Variants in GRID2 observed in about 807,000 individuals in gnomAD.
The protein encoded by GRID2 is glutamate receptor ionotropic, delta-2.
In GRID2, 33 loss-of-function variants were observed where a neutral mutation model predicts 114.8. That is an observed-to-expected ratio of 0.29 (90% CI 0.22 to 0.38). The LOEUF (loss-of-function observed/expected upper bound fraction) is 0.38, where lower values mean the gene tolerates loss of function less well. Ranked by LOEUF, GRID2 falls within the 10% of genes least tolerant of loss-of-function variation. The pLI, the probability that GRID2 is intolerant of heterozygous loss-of-function variation, is 1.00. For missense variants in GRID2, 1,184 were observed against 1,257.7 expected, an observed-to-expected ratio of 0.94 and a Z score of 0.89; for synonymous variants, 505 against 449.9, an observed-to-expected ratio of 1.12 and a Z score of -1.55.
At chr4:93,494,463 G>C (rs570652922) in intron 12 of GRID2, among the ~76,000 whole-genome samples, 1 of 151,718 alleles carries the variant, frequency 6.6e-6, no homozygotes, top group African/African-American at 2.4e-5. Context: ...ATTTATTTTG[G>C]GGAAGCTGAA....
At chr4:92,741,229 T>C (rs998294586) in intron 2 of GRID2, among the ~76,000 whole-genome samples, 12 of 152,188 alleles carry the variant, frequency 7.9e-5, no homozygotes, top group African/African-American at 2.9e-4. Flanking sequence ...TGATTATTCC[T>C]ATCTCATAGA....
At chr4:92,479,378 A>T (rs1722470611) in intron 1 of GRID2, among the ~76,000 whole-genome samples, 1 of 152,280 alleles carries the variant, frequency 6.6e-6, no homozygotes, top group Non-Finnish European at 1.5e-5. Flanking sequence ...ACCTATTACA[A>T]ACTGTGGTTA....
chr4:93,289,206 G>A (rs1000340259), intron 8 of GRID2, among the ~76,000 whole-genome samples: 5 of 152,042 alleles, frequency 3.3e-5, no homozygotes, highest in African/African-American at 1.2e-4. Context: ...ACTAGTAGTC[G>A]TTTTGCTTGA....
Position 92,899,190 on chromosome 4 carries a change from A to G in GRID2, c.245-185805A>G, listed in dbSNP as rs543622907. On this transcript the variant is annotated intron_variant, in intron 2 of 15. Transcript: ENST00000282020. ...AATAGGAGTAATTTATACTTTATAT[A>G]ATCTATAAACATTATTCTTTTATAA... is the stretch of plus-strand genomic sequence containing the variant. 2.0e-5 allele frequency among the ~76,000 whole-genome samples: 3 copies of G among 152,272 alleles called. No individual in the cohort carries two copies. In the East Asian group the frequency reaches 5.8e-4, roughly 29 times the overall value.
chr4:93,220,457 C>A (rs1407921085), intron 6 of GRID2, among the ~76,000 whole-genome samples: 1 of 151,956 alleles, frequency 6.6e-6, no homozygotes, highest in Non-Finnish European at 1.5e-5. Flanking sequence ...AAATAAAGCT[C>A]AAAAATATTT....
Position 92,471,145 on chromosome 4 carries a change from A to G in GRID2, c.89-118986A>G, listed in dbSNP as rs565378545. Among the ~76,000 whole-genome samples the G allele has an allele frequency of 5.3e-5, 8 of 152,176 alleles. No homozygotes were observed. The East Asian group carries it at 1.5e-3, about 29-fold the overall frequency. ...AGCATCATGTAAGAGCGAATGGTAC[A>G]GTAAAAACCCCAAGGAAATGGCAAC... On this transcript the variant is annotated intron_variant, in intron 1 of 15. Coordinates refer to ENST00000282020, the MANE Select transcript of GRID2 (RefSeq NM_001510.4).
chr4:93,089,492 G>T (rs1423990033), intron 3 of GRID2, among the ~76,000 whole-genome samples: 1 of 152,090 alleles, frequency 6.6e-6, no homozygotes, highest in Non-Finnish European at 1.5e-5. Context: ...TCGGATTAAT[G>T]CTTCTGGCCC....
chr4:92,933,164 CAT>C (rs904495377), intron 2 of GRID2, among the ~76,000 whole-genome samples: 212 of 149,728 alleles, frequency 1.4e-3, no homozygotes, highest in African/African-American at 2.4e-3. Context: ...TATATATACA[CAT>C]ATATATATGT....
chr4:92,853,036 G>A (rs901444163), intron 2 of GRID2, among the ~76,000 whole-genome samples: 2 of 151,940 alleles, frequency 1.3e-5, no homozygotes, highest in South Asian at 4.1e-4. Context: ...GCAAGGATAT[G>A]AACTTCTTAG....
chr4:92,576,128 C>T (rs1455363902), intron 1 of GRID2, among the ~76,000 whole-genome samples: 1 of 152,126 alleles, frequency 6.6e-6, no homozygotes, highest in Non-Finnish European at 1.5e-5. Context: ...GAAGTCAGCA[C>T]TTTATCTATA....
intron 1 of GRID2, among the ~76,000 whole-genome samples, chr4:92,434,643 T>C (rs918095620): frequency 6.6e-6 from 1 of 152,164 alleles, no homozygotes; most frequent in Non-Finnish European, 1.5e-5. Context: ...TAATTTTATA[T>C]TATTTAATTT....
intron 2 of GRID2, among the ~76,000 whole-genome samples, chr4:93,070,079 A>G (rs182411070): frequency 1.2e-4 from 19 of 152,216 alleles, no homozygotes; most frequent in Admixed American, 1.0e-3. Flanking sequence ...TTTAAGTTGC[A>G]CACAAAAAGT....
chr4:93,216,257 TATGTGTGTGTGTGC>T (rs1268026545), intron 5 of GRID2, among the ~76,000 whole-genome samples: 2 of 151,874 alleles, frequency 1.3e-5, no homozygotes, highest in Non-Finnish European at 1.5e-5. Flanking sequence ...CATTGCTAAT[TATGTGTGTGTGTGC>T]ATGTGTGTGT....
At chr4:93,623,698 A>G (rs1449819708) in intron 13 of GRID2, among the ~76,000 whole-genome samples, 1 of 152,206 alleles carries the variant, frequency 6.6e-6, no homozygotes, top group East Asian at 1.9e-4. Context: ...TAAAAACAGT[A>G]AACTTTTGTT....
Position 92,411,655 on chromosome 4 carries a change from G to GTGTGTGTATGTATATATATATA in GRID2, c.88+106912_88+106913insGTGTGTATGTATATATATATAT. Among the ~76,000 whole-genome samples, 20 of 84,694 alleles carry GTGTGTGTATGTATATATATATA rather than the reference G, an allele frequency of 2.4e-4. 1 individual carries two copies. Among genetic ancestry groups the GTGTGTGTATGTATATATATATA allele is most frequent in the African/African-American group, 1.2e-3 (20 of 17,098 alleles). 55.6% of individuals were successfully genotyped at this position (84,694 alleles called of 152,430 possible). ...TGTGTGTGTGTGTGTGTGTGTGTGTGTATATATATATATATATATATATGA... is the reference window on the plus strand; with the variant it reads ...TGTGTGTGTGTGTGTGTGTGTGTGTGTGTGTGTATGTATATATATATATATATATATATATATATATATATGA... On this transcript the variant is annotated intron_variant, in intron 1 of 15. Coordinates refer to ENST00000282020, the MANE Select transcript of GRID2 (RefSeq NM_001510.4).
chr4:93,220,238 T>TTATA (rs201847282), intron 6 of GRID2, among the ~76,000 whole-genome samples: 18 of 151,246 alleles, frequency 1.2e-4, no homozygotes, highest in African/African-American at 2.9e-4. Flanking sequence ...AAGCCTTTAT[T>TTATA]TATATATATA....
chr4:92,630,322 GAGTT>G (rs1402597891), intron 2 of GRID2, among the ~76,000 whole-genome samples: 1 of 152,072 alleles, frequency 6.6e-6, no homozygotes, highest in African/African-American at 2.4e-5. Context: ...CACATATAAT[GAGTT>G]AGAGTACTTA....
intron 3 of GRID2, among the ~76,000 whole-genome samples, chr4:93,098,270 A>G (rs1158855673): frequency 6.6e-6 from 1 of 151,916 alleles, no homozygotes; most frequent in Non-Finnish European, 1.5e-5. Flanking sequence ...ATTGTTCTCA[A>G]TTGGCTTAAC....
chr4:93,270,558 G>A lies in GRID2; in HGVS notation c.1245+32068G>A, dbSNP rs370122647. Among the ~76,000 whole-genome samples, 179 of 152,166 alleles carry A rather than the reference G, an allele frequency of 1.2e-3. 3 individuals are homozygous for A. The highest frequency in any genetic ancestry group is 4.3e-3 in the African/African-American group (177 of 41,528). On this transcript the variant is annotated intron_variant, in intron 8 of 15. Transcript: ENST00000282020. ...TATCCTACCAAGGAGAGCTGGAGAAGAATTCAGCCTCACCTCGACCGAGAG... is the reference window on the plus strand; with the variant it reads ...TATCCTACCAAGGAGAGCTGGAGAAAAATTCAGCCTCACCTCGACCGAGAG...
Sources: gnomAD v4.1 joint callset for allele counts (sites outside exome capture counted in the v4.1 genomes callset) on GRCh38, gnomAD v4.1.1 for gene constraint, MANE v1.5 for transcripts, NCBI Gene and HGNC (gene_info 2026-07-23, HGNC 2026-07-21) for gene names.